CALHM4: variants seen among roughly 807,000 people sequenced by gnomAD.
CALHM4 encodes calcium homeostasis modulator family member 4, also known as calcium homeostasis modulator protein 4.
A neutral mutation model predicts 13.3 loss-of-function variants in CALHM4; 16 were observed. The ratio of observed to expected loss-of-function variants is 1.20; its 90% CI spans 0.81 to 1.82. The LOEUF is 1.82. Among genes scored for constraint, CALHM4 ranks in the 40% most tolerant of loss-of-function variants. The probability of loss-of-function intolerance (pLI) is 0.00; values close to 1 mark genes in which losing one functional copy is unlikely to be tolerated. For missense variants in CALHM4, 344 were observed against 374.9 expected (o/e 0.92, Z 0.68); for synonymous variants, 127 against 137.1 (o/e 0.93, Z 0.52).
intron 1 of CALHM4, among the ~76,000 whole-genome samples, chr6:116,539,714 A>G (rs1342386124): frequency 1.3e-5 from 2 of 152,176 alleles, no homozygotes; most frequent in East Asian, 3.8e-4. Context: ...GACTGACTTA[A>G]TTGATCAGTT....
At chr6:116,548,084 C>T (rs1486641739) in intron 2 of CALHM4, among the ~76,000 whole-genome samples, 1 of 152,138 alleles carries the variant, frequency 6.6e-6, no homozygotes, top group African/African-American at 2.4e-5. Context: ...AAACTTAATG[C>T]CCATTGTGGT....
At chr6:116,552,855 A>G (rs1227166308), upstream of CALHM4, among the ~76,000 whole-genome samples, 1 of 152,174 alleles carries the variant, frequency 6.6e-6, no homozygotes, top group Non-Finnish European at 1.5e-5. Flanking sequence ...CGGGCGGATC[A>G]CAAGGTCAGG....
At chr6:116,541,301 A>G (rs1195091511) in intron 1 of CALHM4, among the ~76,000 whole-genome samples, 1 of 152,204 alleles carries the variant, frequency 6.6e-6, no homozygotes, top group African/African-American at 2.4e-5. Context: ...AGCTGAGAAA[A>G]TGTGACCTTC....
At chr6:116,542,022 T>G (rs1773494691) in intron 1 of CALHM4, among the ~76,000 whole-genome samples, 1 of 152,204 alleles carries the variant, frequency 6.6e-6, no homozygotes, top group Non-Finnish European at 1.5e-5. Flanking sequence ...CTCAATTAGC[T>G]AACCAAAGGT....
At chr6:116,553,076 A>AAAC (rs980526632), upstream of CALHM4, among the ~76,000 whole-genome samples, 1 of 152,250 alleles carries the variant, frequency 6.6e-6, no homozygotes, top group Non-Finnish European at 1.5e-5. Flanking sequence ...TCCGTCTCAA[A>AAAC]AACAACAACA....
intron 1 of CALHM4, among the ~76,000 whole-genome samples, chr6:116,540,006 A>G (rs987820658): frequency 2.0e-5 from 3 of 152,162 alleles, no homozygotes; most frequent in Non-Finnish European, 4.4e-5. Flanking sequence ...ACCAAAAACC[A>G]TCTCCCTCCA....
upstream of CALHM4, among the ~76,000 whole-genome samples, chr6:116,553,459 C>G (rs754799026): frequency 2.6e-5 from 4 of 152,154 alleles, no homozygotes; most frequent in Non-Finnish European, 5.9e-5. Flanking sequence ...TGCTGGTGCT[C>G]AGCATTTTGT....
In CALHM4 at chr6:116,559,138, T is replaced by C. The variant is rs905912336; in HGVS notation, c.*927T>C. 6.6e-6 allele frequency among the ~76,000 whole-genome samples: 1 copy of C among 152,228 alleles called. No homozygotes were observed. Among genetic ancestry groups the C allele is most frequent in the Non-Finnish European group, 1.5e-5 (1 of 68,028 alleles). On this transcript the variant is annotated 3_prime_UTR_variant, in exon 2 of 2. Transcript: ENST00000368596. ...CCTGCTTGGTGTTGCTCTGCCTGGC[T>C]TTACTAAATGCAGCCTACAGTATCT... is the stretch of plus-strand genomic sequence containing the variant.
At chr6:116,550,025 T>TACACACAC (rs71554855), upstream of CALHM4, among the ~76,000 whole-genome samples, 8 of 96,338 alleles carry the variant, frequency 8.3e-5, no homozygotes, top group African/African-American at 1.6e-4. Flanking sequence ...TATATATATA[T>TACACACAC]ACACACACAC....
chr6:116,554,059 A>G lies in CALHM4; in HGVS notation c.266A>G (p.Tyr89Cys). Residue 89 changes from tyrosine to cysteine, a missense_variant, in exon 1 of 2, where the codon TAC becomes TGC. Transcript: ENST00000368596. ...GEYCCSCAPP[Y>C]RRISPLECKL... ...TACTGCTGCAGCTGTGCCCCTCCATACAGGAGAATCAGCCCCCTAGAGTGC... is the reference window on the plus strand; with the variant it reads ...TACTGCTGCAGCTGTGCCCCTCCATGCAGGAGAATCAGCCCCCTAGAGTGC... The G allele has an allele frequency of 5.2e-6, 8 of 1,550,698 alleles. No homozygotes were observed. The highest frequency in any genetic ancestry group is 6.1e-6 in the Non-Finnish European group (7 of 1,147,026).
At chr6:116,551,540 T>C (rs1774079462), upstream of CALHM4, among the ~76,000 whole-genome samples, 1 of 152,068 alleles carries the variant, frequency 6.6e-6, no homozygotes, top group Non-Finnish European at 1.5e-5. Context: ...TTACTTCAAT[T>C]GTTTTATCCT....
At chr6:116,554,404 T>G in intron 1 of CALHM4, 53 bp downstream of exon 1, 1 of 1,365,638 alleles carries the variant, frequency 7.3e-7, no homozygotes, top group Non-Finnish European at 9.7e-7. Flanking sequence ...AGAACTACAG[T>G]CAATGGAAAC....
At chr6:116,548,632 C>T (rs1773914050) in intron 2 of CALHM4, among the ~76,000 whole-genome samples, 1 of 152,162 alleles carries the variant, frequency 6.6e-6, no homozygotes, top group Admixed American at 6.5e-5. Context: ...TCCTCACTCC[C>T]CTTATACAGA....
chr6:116,530,480 T>C (rs1772631463), intron 1 of CALHM4, among the ~76,000 whole-genome samples: 1 of 152,206 alleles, frequency 6.6e-6, no homozygotes, highest in Admixed American at 6.5e-5. Flanking sequence ...AATTGGTTCC[T>C]TTATAAGAAG....
chr6:116,537,376 T>C (rs990100313), intron 1 of CALHM4, among the ~76,000 whole-genome samples: 2 of 152,182 alleles, frequency 1.3e-5, no homozygotes, highest in African/African-American at 4.8e-5. Flanking sequence ...TTGGTGAAAA[T>C]TGTGTACCAT....
intron 1 of CALHM4, among the ~76,000 whole-genome samples, chr6:116,530,926 T>TATATAC (rs1554235965): frequency 2.7e-4 from 39 of 142,820 alleles, no homozygotes; most frequent in African/African-American, 9.8e-4. Context: ...TATATATATA[T>TATATAC]ATATATATAT....
chr6:116,551,798 A>G (rs1308715182), upstream of CALHM4, among the ~76,000 whole-genome samples: 11 of 152,198 alleles, frequency 7.2e-5, no homozygotes, highest in Admixed American at 1.3e-4. Context: ...CAATTTTCCA[A>G]AGTGGTTACT....
upstream of CALHM4, among the ~76,000 whole-genome samples, chr6:116,550,025 TAC>T (rs71554855): frequency 3.2e-4 from 31 of 96,322 alleles, no homozygotes; most frequent in African/African-American, 7.7e-4. Flanking sequence ...TATATATATA[TAC>T]ACACACACAC....
At chr6:116,540,399 G>C (rs1226426296) in intron 1 of CALHM4, 2 of 1,551,090 alleles carry the variant, frequency 1.3e-6, no homozygotes, top group Admixed American at 2.0e-5. Flanking sequence ...AATAACTATG[G>C]CATCTTCCCA....
Sources: allele counts gnomAD v4.1 joint callset (sites outside exome capture counted in the v4.1 genomes callset), GRCh38; gene constraint gnomAD v4.1.1; transcripts MANE v1.5; gene names NCBI Gene and HGNC (gene_info 2026-07-23, HGNC 2026-07-21).